Variants in EYS observed in about 807,000 individuals in gnomAD.
The protein encoded by EYS is protein eyes shut homolog.
Under a neutral mutation model 282.1 loss-of-function variants are expected in EYS, and 250 were observed. The ratio of observed to expected loss-of-function variants is 0.89; its 90% CI spans 0.80 to 0.98. EYS has a LOEUF of 0.98. Ranked by LOEUF, EYS falls within the 50% of genes least tolerant of loss-of-function variation. The pLI, the probability that EYS is intolerant of heterozygous loss-of-function variation, is 0.00. For missense variants in EYS, 4,016 were observed against 3,709.0 expected (o/e 1.08, Z -2.15); for synonymous variants, 1,355 against 1,282.9 (o/e 1.06, Z -1.20).
chr6:65,472,639 T>C lies in EYS; in HGVS notation c.862+17955A>G, dbSNP rs564586482. ...GTGTCTTATTTGTACAAAAATGTGA[T>C]TGTACTGACAGGAAAAATTTACAGA... On this transcript the variant is annotated intron_variant, in intron 5 of 42. Coordinates refer to ENST00000503581, the MANE Select transcript of EYS (RefSeq NM_001142800.2). Among the ~76,000 whole-genome samples the C allele has an allele frequency of 3.9e-5, 6 of 152,088 alleles. No individual in the cohort carries two copies. In the East Asian group the frequency reaches 1.2e-3, roughly 29 times the overall value.
intron 26 of EYS, among the ~76,000 whole-genome samples, chr6:64,517,675 G>A (rs1449485389): frequency 1.3e-5 from 2 of 151,770 alleles, no homozygotes; most frequent in African/African-American, 2.4e-5. Context: ...TGAGGCATGT[G>A]AAAGCCTCTG....
At chr6:65,616,994 A>G (rs1455051862) in intron 2 of EYS, among the ~76,000 whole-genome samples, 2 of 152,174 alleles carry the variant, frequency 1.3e-5, no homozygotes, top group African/African-American at 2.4e-5. Context: ...AAAACAAATA[A>G]AAATTAAACA....
At chr6:64,904,124 A>T (rs1767752127) in intron 16 of EYS, among the ~76,000 whole-genome samples, 1 of 152,176 alleles carries the variant, frequency 6.6e-6, no homozygotes, top group Non-Finnish European at 1.5e-5. Flanking sequence ...ACATAACAAC[A>T]ATGATAGGTT....
At chr6:64,989,186 G>A (rs1193120731) in intron 14 of EYS, among the ~76,000 whole-genome samples, 1 of 150,608 alleles carries the variant, frequency 6.6e-6, no homozygotes, top group African/African-American at 2.4e-5. Context: ...AACGTTAAAT[G>A]ACTTGTTCAA....
chr6:65,132,118 C>G (rs1026318644), intron 12 of EYS, among the ~76,000 whole-genome samples: 2 of 151,934 alleles, frequency 1.3e-5, no homozygotes, highest in African/African-American at 4.8e-5. Flanking sequence ...GATGGATTTA[C>G]AGCCAAATTC....
intron 12 of EYS, among the ~76,000 whole-genome samples, chr6:65,091,271 TAAAAAAAAAAAAA>T (rs397887871): frequency 3.5e-5 from 2 of 56,442 alleles, no homozygotes; most frequent in Admixed American, 4.4e-4. Context: ...CCATCTCCCC[TAAAAAAAAAAAAA>T]AAAAAAAAAA....
chr6:64,202,525 T>A (rs1020180267), intron 31 of EYS, among the ~76,000 whole-genome samples: 2 of 152,144 alleles, frequency 1.3e-5, no homozygotes, highest in Admixed American at 6.6e-5. Flanking sequence ...TTCATTCAAG[T>A]GTGAAATTGG....
chr6:65,379,041 A>G (rs1765507887), intron 8 of EYS, among the ~76,000 whole-genome samples: 1 of 152,102 alleles, frequency 6.6e-6, no homozygotes, highest in Admixed American at 6.6e-5. Flanking sequence ...AATAATAAAA[A>G]AGATAAACAA....
chr6:65,474,254 C>G (rs1765320452), intron 5 of EYS, among the ~76,000 whole-genome samples: 1 of 151,916 alleles, frequency 6.6e-6, no homozygotes, highest in African/African-American at 2.4e-5. Flanking sequence ...TAATAATGAC[C>G]CCCATGGGGA....
intron 12 of EYS, among the ~76,000 whole-genome samples, chr6:65,107,676 GT>G (rs11430260): frequency 1.3e-5 from 2 of 150,020 alleles, no homozygotes; most frequent in Non-Finnish European, 3.0e-5. Context: ...TACAGTGGGT[GT>G]TTTTTTTTGT....
chr6:65,050,542 T>C (rs905483103), intron 13 of EYS, among the ~76,000 whole-genome samples: 1 of 151,646 alleles, frequency 6.6e-6, no homozygotes, highest in African/African-American at 2.4e-5. Flanking sequence ...TTGGTTAATA[T>C]TCTAAATTGA....
chr6:63,937,391 T>G (rs1322623356), intron 35 of EYS, among the ~76,000 whole-genome samples: 5 of 97,408 alleles, frequency 5.1e-5, no homozygotes, highest in African/African-American at 2.0e-4. Context: ...TTTTTTTTTT[T>G]TTTTTTTGAG....
rs369754617 is a variant in EYS at position 65,226,590 on chromosome 6, GAAC to G, written c.2023+69270_2023+69272del. 2.9e-3 allele frequency among the ~76,000 whole-genome samples: 446 copies of G among 152,146 alleles called. 3 individuals are homozygous for G. Among genetic ancestry groups the G allele is most frequent in the African/African-American group, 0.01 (422 of 41,526 alleles). On this transcript the variant is annotated intron_variant, in intron 12 of 42. Transcript: ENST00000503581. ...AGTGAGATCCACTTCATCCTGAGTA[GAAC>G]AACAACAACCATAAAAACCTGAGAA...
At chr6:65,654,416 C>A (rs1339592626) in intron 1 of EYS, among the ~76,000 whole-genome samples, 1 of 151,796 alleles carries the variant, frequency 6.6e-6, no homozygotes, top group East Asian at 1.9e-4. Context: ...CTTTGACAAC[C>A]CAAAGATTTT....
At position 65,085,715 on chromosome 6, in the gene EYS, G is replaced by T. The variant is rs181140349; in HGVS notation, c.2024-27988C>A. Among the ~76,000 whole-genome samples, 147 of 152,102 alleles carry T rather than the reference G, an allele frequency of 9.7e-4. 1 individual carries two copies. The highest frequency in any genetic ancestry group is 3.4e-3 in the Middle Eastern group (1 of 292). On this transcript the variant is annotated intron_variant, in intron 12 of 42. Coordinates refer to ENST00000503581, the MANE Select transcript of EYS (RefSeq NM_001142800.2). ...CAGATATCTTAACTCAAAGTTCAAG[G>T]CTTTCCATAGTGTCTCATCCATCTG...
chr6:64,446,457 A>G (rs1775119591), intron 26 of EYS, among the ~76,000 whole-genome samples: 1 of 152,160 alleles, frequency 6.6e-6, no homozygotes, highest in Admixed American at 6.5e-5. Flanking sequence ...TATTTCTCTC[A>G]GATTAATTAT....
intron 26 of EYS, among the ~76,000 whole-genome samples, chr6:64,539,925 T>C (rs1764645772): frequency 6.6e-6 from 1 of 152,334 alleles, no homozygotes; most frequent in Non-Finnish European, 1.5e-5. Context: ...GAAGCATTTT[T>C]GTCTTAAACT....
chr6:64,571,657 C>T (rs1288830270), intron 26 of EYS, among the ~76,000 whole-genome samples: 1 of 152,136 alleles, frequency 6.6e-6, no homozygotes, highest in Admixed American at 6.5e-5. Context: ...CGTCTCTATG[C>T]AAATAAACTA....
intron 26 of EYS, among the ~76,000 whole-genome samples, chr6:64,574,205 T>TCATAAGTGAGTGAA (rs1488693312): frequency 6.6e-6 from 1 of 152,056 alleles, no homozygotes; most frequent in Admixed American, 6.6e-5. Context: ...ATGTTCTCAC[T>TCATAAGTGAGTGAA]CATAAGTGGG....
Sources: gnomAD v4.1 joint callset for allele counts (sites outside exome capture counted in the v4.1 genomes callset) on GRCh38, gnomAD v4.1.1 for gene constraint, MANE v1.5 for transcripts, NCBI Gene and HGNC (gene_info 2026-07-23, HGNC 2026-07-21) for gene names.